ESR1: variants seen among roughly 807,000 people sequenced by gnomAD.
ESR1 encodes the protein estrogen receptor.
In ESR1, 12 loss-of-function variants were observed where a neutral mutation model predicts 52.7. The ratio of observed to expected loss-of-function variants is 0.23; its 90% CI spans 0.15 to 0.37. The LOEUF is 0.37. Among genes scored for constraint, ESR1 ranks in the 10% least tolerant of loss-of-function variants. The probability of loss-of-function intolerance (pLI) is 1.00; values close to 1 mark genes in which losing one functional copy is unlikely to be tolerated. For missense variants in ESR1, 584 were observed against 779.7 expected, an observed-to-expected ratio of 0.75 and a Z score of 2.99; for synonymous variants, 305 against 316.8, an observed-to-expected ratio of 0.96 and a Z score of 0.39.
intron 2 of ESR1, among the ~76,000 whole-genome samples, chr6:151,792,696 C>A (rs1025384285): frequency 6.6e-6 from 1 of 152,172 alleles, no homozygotes; most frequent in East Asian, 1.9e-4. Context: ...GCCTCAGCCT[C>A]CCAGCATGCT....
At chr6:152,025,006 C>T (rs2044014991) in intron 5 of ESR1, among the ~76,000 whole-genome samples, 2 of 151,182 alleles carry the variant, frequency 1.3e-5, no homozygotes, top group Admixed American at 1.3e-4. Flanking sequence ...TGGATGACAC[C>T]TATAATGTCT....
intron 2 of ESR1, among the ~76,000 whole-genome samples, chr6:151,780,257 A>T: frequency 6.6e-6 from 1 of 152,148 alleles, no homozygotes; most frequent in East Asian, 1.9e-4. Flanking sequence ...TATCTAATGT[A>T]GATGACGAGT....
At chr6:152,067,644 A>T (rs2048066133) in intron 6 of ESR1, among the ~76,000 whole-genome samples, 1 of 152,104 alleles carries the variant, frequency 6.6e-6, no homozygotes, top group Non-Finnish European at 1.5e-5. Context: ...TGGCCAACAC[A>T]GTGAAACCCC....
intron 2 of ESR1, among the ~76,000 whole-genome samples, chr6:151,792,186 A>G (rs1776227744): frequency 6.6e-6 from 1 of 152,232 alleles, no homozygotes; most frequent in Non-Finnish European, 1.5e-5. Flanking sequence ...CAGTGAAAAT[A>G]TGGTATAAGA....
At chr6:152,120,241 C>T (rs2051279578) in intron 6 of ESR1, among the ~76,000 whole-genome samples, 1 of 152,196 alleles carries the variant, frequency 6.6e-6, no homozygotes, top group African/African-American at 2.4e-5. Context: ...CAAAACTGCT[C>T]TGGAGGGAGG....
intron 5 of ESR1, among the ~76,000 whole-genome samples, chr6:152,038,868 A>G (rs377472329): frequency 1.1e-4 from 17 of 152,214 alleles, no homozygotes; most frequent in African/African-American, 4.1e-4. Flanking sequence ...TGACCTCGTG[A>G]TCCACCCACC....
intron 1 of ESR1, among the ~76,000 whole-genome samples, chr6:151,698,573 G>T (rs1779541574): frequency 6.6e-6 from 1 of 152,154 alleles, no homozygotes; most frequent in Admixed American, 6.5e-5. Context: ...TCTGTGATTT[G>T]TGGGTAGAGG....
intron 1 of ESR1, among the ~76,000 whole-genome samples, chr6:151,819,036 A>G (rs753133703): frequency 6.6e-6 from 1 of 152,132 alleles, no homozygotes; most frequent in Non-Finnish European, 1.5e-5. Flanking sequence ...GCCATGTTTA[A>G]ATGGCATGTT....
chr6:151,953,442 G>A (rs565280517), intron 4 of ESR1, among the ~76,000 whole-genome samples: 28 of 152,164 alleles, frequency 1.8e-4, no homozygotes, highest in African/African-American at 6.0e-4. Flanking sequence ...AGTGAGGACC[G>A]GCCAGTGCGG....
chr6:152,082,549 G>T (rs868449234), intron 6 of ESR1, among the ~76,000 whole-genome samples: 7 of 152,272 alleles, frequency 4.6e-5, no homozygotes, highest in Middle Eastern at 3.4e-3. Context: ...TTGAAAACCA[G>T]CACAAGATAA....
chr6:151,989,864 T>C (rs1461738722), intron 4 of ESR1, among the ~76,000 whole-genome samples: 1 of 152,068 alleles, frequency 6.6e-6, no homozygotes. Context: ...GTCTTAAGGG[T>C]AGGGTAGATG....
chr6:151,695,095 A>T (rs1419636969), intron 1 of ESR1, among the ~76,000 whole-genome samples: 2 of 152,140 alleles, frequency 1.3e-5, no homozygotes, highest in Non-Finnish European at 2.9e-5. Flanking sequence ...GTATTGTGGG[A>T]TGCTCTCTGA....
At chr6:151,737,516 A>G (rs1406199086) in intron 2 of ESR1, among the ~76,000 whole-genome samples, 1 of 152,208 alleles carries the variant, frequency 6.6e-6, no homozygotes, top group Non-Finnish European at 1.5e-5. Context: ...GCGATTTGCA[A>G]AAAGTTCAAA....
chr6:152,019,990 G>A (rs753572090), intron 5 of ESR1, among the ~76,000 whole-genome samples: 1 of 152,168 alleles, frequency 6.6e-6, no homozygotes, highest in Non-Finnish European at 1.5e-5. Flanking sequence ...CCCTCAAGGA[G>A]TTTACTATTG....
chr6:151,863,898 A>G lies in ESR1; in HGVS notation c.644-16757A>G, dbSNP rs562475413. Among the ~76,000 whole-genome samples the G allele has an allele frequency of 4.1e-3, 618 of 152,322 alleles. 2 individuals are homozygous for G. Among genetic ancestry groups the G allele is most frequent in the African/African-American group, 0.013 (524 of 41,566 alleles). Reference sequence around the variant, plus strand: ...ACTGGATCACTTCCTTACACCTTATACAAAAATTAATTCAAGATGGATTAA... The same window carrying G: ...ACTGGATCACTTCCTTACACCTTATGCAAAAATTAATTCAAGATGGATTAA... On this transcript the variant is annotated intron_variant, in intron 2 of 7. Transcript: ENST00000206249.
At chr6:151,819,044 G>A (rs1439236117) in intron 1 of ESR1, among the ~76,000 whole-genome samples, 1 of 152,150 alleles carries the variant, frequency 6.6e-6, no homozygotes, top group East Asian at 1.9e-4. Flanking sequence ...TAAATGGCAT[G>A]TTCCTACTTT....
intron 1 of ESR1, among the ~76,000 whole-genome samples, chr6:151,669,248 G>C (rs527963075): frequency 4.1e-5 from 6 of 147,592 alleles, no homozygotes; most frequent in Non-Finnish European, 7.4e-5. Flanking sequence ...GCCCAGGCTG[G>C]GGTTGCTGGT....
At chr6:151,845,244 T>C (rs370656391) in intron 2 of ESR1, among the ~76,000 whole-genome samples, 9 of 152,178 alleles carry the variant, frequency 5.9e-5, no homozygotes, top group African/African-American at 1.9e-4. Context: ...TTCAAACATT[T>C]TGAAAAATGT....
At chr6:151,733,379 T>C (rs1782402610) in intron 2 of ESR1, among the ~76,000 whole-genome samples, 1 of 152,232 alleles carries the variant, frequency 6.6e-6, no homozygotes, top group Non-Finnish European at 1.5e-5. Context: ...CCATTCCCTC[T>C]GCTTAATTGT....
Sources: gnomAD v4.1 joint callset for allele counts (sites outside exome capture counted in the v4.1 genomes callset) on GRCh38, gnomAD v4.1.1 for gene constraint, MANE v1.5 for transcripts, NCBI Gene and HGNC (gene_info 2026-07-23, HGNC 2026-07-21) for gene names.